The following CDH10 variants were observed in gnomAD, a reference collection of about 807,000 sequenced individuals.
CDH10 encodes the protein cadherin-10.
In CDH10, 30 loss-of-function variants were observed where a neutral mutation model predicts 73.1. The observed-to-expected ratio is 0.41, with a 90% CI of 0.31 to 0.56. CDH10 has a LOEUF of 0.56. Ranked by LOEUF, CDH10 falls within the 20% of genes least tolerant of loss-of-function variation. CDH10 has a pLI of 0.27. For missense variants in CDH10, 815 were observed against 973.7 expected, an observed-to-expected ratio of 0.84 and a Z score of 2.17; for synonymous variants, 345 against 348.2, an observed-to-expected ratio of 0.99 and a Z score of 0.10.
chr5:24,597,517 G>GC (rs1561187943), intron 1 of CDH10, among the ~76,000 whole-genome samples: 1 of 152,010 alleles, frequency 6.6e-6, no homozygotes, highest in East Asian at 1.9e-4. Context: ...GTACTCTAAG[G>GC]CCTTTTTCCA....
Position 24,498,499 on chromosome 5 carries a change from G to C in CDH10, c.1414C>G (p.Arg472Gly), listed in dbSNP as rs201738748. 5.0e-6 allele frequency: 8 copies of C among 1,599,362 alleles called. No homozygotes were observed. In the East Asian group the frequency reaches 1.8e-4, roughly 36 times the overall value. ...AEINNPKETT[R>G]VAVFVRILDV... ...AAAATTCTCACAAAAACAGCCACGCGTGTTGTCTCTTTGGGATTGTCTGGA... is the reference window on the plus strand; with the variant it reads ...AAAATTCTCACAAAAACAGCCACGCCTGTTGTCTCTTTGGGATTGTCTGGA... The change falls in exon 9 of 12, where the codon CGC (arginine) becomes GGC (glycine). Residue 472 changes from arginine to glycine, a missense_variant. Physicochemically the swap from Arg to Gly is moderately radical, Grantham distance 125. Coordinates refer to ENST00000264463, the MANE Select transcript of CDH10 (RefSeq NM_006727.5).
intron 2 of CDH10, among the ~76,000 whole-genome samples, chr5:24,538,059 G>C (rs926996598): frequency 3.3e-5 from 5 of 151,828 alleles, no homozygotes; most frequent in Admixed American, 3.3e-4. Flanking sequence ...ATTCTTAAAT[G>C]GTGCAAAACA....
At chr5:24,526,088 G>A (rs1344750586) in intron 5 of CDH10, among the ~76,000 whole-genome samples, 6 of 151,962 alleles carry the variant, frequency 3.9e-5, no homozygotes, top group East Asian at 1.9e-4. Context: ...TAAAAACTCT[G>A]CAACAACAGC....
At chr5:24,577,401 C>T (rs962292191) in intron 2 of CDH10, among the ~76,000 whole-genome samples, 30 of 151,756 alleles carry the variant, frequency 2.0e-4, no homozygotes, top group African/African-American at 5.1e-4. Flanking sequence ...TTCATTAATA[C>T]GTTTTTCAAA....
At chr5:24,591,777 T>TA (rs1746208264) in intron 2 of CDH10, among the ~76,000 whole-genome samples, 1 of 151,778 alleles carries the variant, frequency 6.6e-6, no homozygotes, top group Non-Finnish European at 1.5e-5. Context: ...TTTTATGAGA[T>TA]AAAAATAAAA....
chr5:24,573,013 C>T (rs72752010), intron 2 of CDH10, among the ~76,000 whole-genome samples: 1 of 142,704 alleles, frequency 7.0e-6, no homozygotes, highest in Non-Finnish European at 1.5e-5. Context: ...AAATAAAGAT[C>T]ACCAGAAAAT....
At chr5:24,627,275 C>T (rs1000465931) in intron 1 of CDH10, among the ~76,000 whole-genome samples, 1 of 151,834 alleles carries the variant, frequency 6.6e-6, no homozygotes, top group Admixed American at 6.6e-5. Flanking sequence ...TTCGACAACT[C>T]GATTTTACAT....
At chr5:24,532,366 A>C (rs2873987) in intron 5 of CDH10, among the ~76,000 whole-genome samples, 1 of 151,682 alleles carries the variant, frequency 6.6e-6, no homozygotes, top group African/African-American at 2.4e-5. Context: ...TAAATTATTT[A>C]GTCTTAGATT....
At chr5:24,569,051 A>T (rs1255393404) in intron 2 of CDH10, among the ~76,000 whole-genome samples, 13 of 151,892 alleles carry the variant, frequency 8.6e-5, no homozygotes, top group Non-Finnish European at 1.8e-4. Context: ...CGGAGCTTGC[A>T]TTGAGCCGAG....
chr5:24,593,405 G>C lies in CDH10; in HGVS notation c.86C>G (p.Thr29Arg), dbSNP rs140810299. The change falls in exon 2 of 12, where the codon ACG (threonine) becomes AGG (arginine). Residue 29 changes from threonine (T) to arginine (R), a missense_variant. By Grantham distance (71) the Thr-to-Arg change is moderately conservative (BLOSUM62 -1). This residue lies in a region of CDH10 where 58 missense variants were observed against 96.7 expected (regional missense o/e 0.60). Transcript: ENST00000264463. ...FCSPEIMFRR[T>R]PVPQQRILSS... Reference sequence around the variant, plus strand: ...TAAAATTCTTTGCTGTGGCACAGGCGTCCTTCTGAACATTATTTCTGGAGA... The same window carrying C: ...TAAAATTCTTTGCTGTGGCACAGGCCTCCTTCTGAACATTATTTCTGGAGA... The C allele has an allele frequency of 1.2e-6, 2 of 1,612,170 alleles. No homozygotes were observed. Among genetic ancestry groups the C allele is most frequent in the South Asian group, 1.1e-5 (1 of 91,044 alleles).
At chr5:24,501,339 G>A (rs1742487558) in intron 8 of CDH10, among the ~76,000 whole-genome samples, 1 of 152,104 alleles carries the variant, frequency 6.6e-6, no homozygotes, top group Admixed American at 6.5e-5. Context: ...AATCCACAGG[G>A]ATGAATGTGC....
At chr5:24,523,733 G>A (rs772616933) in intron 5 of CDH10, among the ~76,000 whole-genome samples, 2 of 151,818 alleles carry the variant, frequency 1.3e-5, no homozygotes, top group Non-Finnish European at 2.9e-5. Flanking sequence ...TTTATTTTTC[G>A]ATTGGTGCAG....
At position 24,564,288 on chromosome 5, in the gene CDH10, A is replaced by C. The variant is rs1250110560; in HGVS notation, c.232-26614T>G. ...AATATAGGTTGTACCAAAATGTCGA[A>C]TGCTTTATCTGGACCTACTTTTGTG... On this transcript the variant is annotated intron_variant, in intron 2 of 11. Coordinates refer to ENST00000264463, the MANE Select transcript of CDH10 (RefSeq NM_006727.5). Among the ~76,000 whole-genome samples, 7 of 152,210 alleles carry C rather than the reference A, an allele frequency of 4.6e-5. No individual in the cohort carries two copies. The South Asian group carries it at 1.4e-3, about 31-fold the overall frequency.
chr5:24,536,959 T>C (rs1270984440), intron 3 of CDH10, among the ~76,000 whole-genome samples: 6 of 151,984 alleles, frequency 3.9e-5, no homozygotes, highest in Non-Finnish European at 8.8e-5. Flanking sequence ...AGATAGTACA[T>C]ATTCCAGATG....
At chr5:24,642,480 T>C (rs367595717) in intron 1 of CDH10, among the ~76,000 whole-genome samples, 13 of 152,260 alleles carry the variant, frequency 8.5e-5, no homozygotes, top group African/African-American at 3.1e-4. Context: ...AAAAAAAACA[T>C]ACCTCTTCCA....
intron 2 of CDH10, among the ~76,000 whole-genome samples, chr5:24,585,645 A>G (rs1388077188): frequency 6.6e-6 from 1 of 152,124 alleles, no homozygotes; most frequent in African/African-American, 2.4e-5. Context: ...GCTGGTCTCA[A>G]ACTCCTGACT....
chr5:24,611,223 A>G (rs750933361), intron 1 of CDH10, among the ~76,000 whole-genome samples: 3 of 152,130 alleles, frequency 2.0e-5, no homozygotes, highest in Non-Finnish European at 2.9e-5. Context: ...TAATTGATAC[A>G]CCAAACAATG....
intron 1 of CDH10, among the ~76,000 whole-genome samples, chr5:24,630,550 TAAAAAA>T (rs11385411): frequency 7.5e-6 from 1 of 132,946 alleles, no homozygotes; most frequent in African/African-American, 2.9e-5. Context: ...GAGATCATCT[TAAAAAA>T]AAAAAAAAAA....
intron 1 of CDH10, among the ~76,000 whole-genome samples, chr5:24,642,805 T>C (rs181281407): frequency 1.3e-5 from 2 of 152,220 alleles, no homozygotes; most frequent in Non-Finnish European, 2.9e-5. Flanking sequence ...GTTTTGTTTG[T>C]TGTTTTTTTT....
Sources: allele counts gnomAD v4.1 joint callset (sites outside exome capture counted in the v4.1 genomes callset), GRCh38; gene constraint gnomAD v4.1.1; regional missense constraint gnomAD v4.1.1; transcripts MANE v1.5; gene names NCBI Gene and HGNC (gene_info 2026-07-23, HGNC 2026-07-21).